LONRF2: variants seen among roughly 807,000 people sequenced by gnomAD.
LONRF2 encodes the protein LON peptidase N-terminal domain and RING finger protein 2.
Under a neutral mutation model 66.6 loss-of-function variants are expected in LONRF2, and 35 were observed. That is an observed-to-expected ratio of 0.53 (90% confidence interval 0.40 to 0.70). The LOEUF (loss-of-function observed/expected upper bound fraction) is 0.70, where lower values mean the gene tolerates loss of function less well. LONRF2 is among the 30% of genes least tolerant of loss of function. The probability of loss-of-function intolerance (pLI) is 0.00; values close to 1 mark genes in which losing one functional copy is unlikely to be tolerated. For missense variants in LONRF2, 902 were observed against 1,002.1 expected (o/e 0.90, Z 1.35); for synonymous variants, 417 against 418.1 (o/e 1.00, Z 0.03).
In LONRF2 at chr2:100,299,931, GA is replaced by G. The variant is rs778764634; in HGVS notation, c.1066-14del. 7.8e-5 allele frequency: 108 copies of G among 1,379,644 alleles called. No individual in the cohort carries two copies. The African/African-American group carries it at 1.2e-3, about 15-fold the overall frequency. The allele number at this position is 1,379,644 out of a possible 1,614,324, so 85.5% of individuals were successfully genotyped here. A position where few individuals can be genotyped will look rare whatever the true frequency, so the allele number is the denominator to read the frequency against. On this transcript the variant is annotated splice_polypyrimidine_tract_variant and intron_variant, in intron 4 of 11. Transcript: ENST00000393437. ...TCTCAGATGAATTCTGGTTAAGTGGGAAAAAAAGGAATCCTGAGTATTAAAG... is the reference window on the plus strand; with the variant it reads ...TCTCAGATGAATTCTGGTTAAGTGGGAAAAAAGGAATCCTGAGTATTAAAG...
intron 1 of LONRF2, among the ~76,000 whole-genome samples, chr2:100,319,022 TG>T (rs1263928367): frequency 9.9e-5 from 15 of 151,192 alleles, no homozygotes; most frequent in African/African-American, 3.6e-4. Context: ...CCCAGCTACT[TG>T]GGAGGCTGAG....
chr2:100,300,632 T>A lies in LONRF2; in HGVS notation c.1065+12A>T. ...AATCAAGAGAATCCTGACAAATGCA[T>A]GCACGTCATACCTCCGAGCTCCCTG... On this transcript the variant is annotated intron_variant, in intron 4 of 11. Transcript: ENST00000393437. 6.3e-7 allele frequency: 1 copy of A among 1,593,402 alleles called. No individual in the cohort carries two copies. Among genetic ancestry groups the A allele is most frequent in the South Asian group, 1.2e-5 (1 of 86,426 alleles).
intron 11 of LONRF2, among the ~76,000 whole-genome samples, chr2:100,285,610 C>CAT (rs1674829692): frequency 6.6e-6 from 1 of 152,064 alleles, no homozygotes; most frequent in Non-Finnish European, 1.5e-5. Flanking sequence ...CCAATGTGTT[C>CAT]ATATAGGGTC....
intron 2 of LONRF2, among the ~76,000 whole-genome samples, chr2:100,308,607 C>T (rs750244258): frequency 1.6e-4 from 25 of 152,162 alleles, no homozygotes; most frequent in Non-Finnish European, 2.8e-4. Flanking sequence ...CCGCAAAGTT[C>T]GTTTTTTGTC....
chr2:100,305,530 T>G (rs1675273991), intron 2 of LONRF2, among the ~76,000 whole-genome samples: 1 of 152,214 alleles, frequency 6.6e-6, no homozygotes, highest in African/African-American at 2.4e-5. Flanking sequence ...TGAAATACCA[T>G]GACTGTGCTG....
chr2:100,303,330 T>G (rs1675225701), intron 2 of LONRF2, among the ~76,000 whole-genome samples: 1 of 152,214 alleles, frequency 6.6e-6, no homozygotes, highest in South Asian at 2.1e-4. Context: ...GAAAACTGGC[T>G]ATCCACTTTA....
At chr2:100,315,740 CT>C (rs1675493698) in intron 1 of LONRF2, among the ~76,000 whole-genome samples, 1 of 152,094 alleles carries the variant, frequency 6.6e-6, no homozygotes, top group Non-Finnish European at 1.5e-5. Context: ...ATTCAGTTTG[CT>C]AATATTTTAT....
At chr2:100,285,056 C>T (rs1351617117) in intron 11 of LONRF2, among the ~76,000 whole-genome samples, 1 of 152,180 alleles carries the variant, frequency 6.6e-6, no homozygotes, top group Non-Finnish European at 1.5e-5. Flanking sequence ...AAACAAAGCA[C>T]TTCTAGACTA....
intron 11 of LONRF2, 66 bp downstream of exon 11, chr2:100,286,848 A>T (rs1674855971): frequency 6.5e-7 from 1 of 1,541,036 alleles, no homozygotes; most frequent in Admixed American, 1.9e-5. Flanking sequence ...GCTCTCCACC[A>T]GAATGATGGC....
In LONRF2 at chr2:100,284,013, T is replaced by G. The variant is rs569907165; in HGVS notation, c.*285A>C. 6.6e-6 allele frequency: 2 copies of G among 304,446 alleles called. No homozygotes were observed. The highest frequency in any genetic ancestry group is 1.3e-4 in the South Asian group (2 of 15,844). The allele number at this position is 304,446 out of a possible 1,614,324, so 18.9% of individuals were successfully genotyped here. ...CATGTAAACCATCTGCAGGGTCCTG[T>G]GCTGTCAGTGAACTGCATTCCCCAA... On this transcript the variant is annotated 3_prime_UTR_variant, in exon 12 of 12. Transcript: ENST00000393437.
rs543611955 is a variant in LONRF2, at chr2:100,299,340, A to C, written c.1268-21T>G. ...GAGATCTGAATGCGAAAAAATTTAAAACGCTGTAATTAACACCTAAGCACC... is the reference window on the plus strand; with the variant it reads ...GAGATCTGAATGCGAAAAAATTTAACACGCTGTAATTAACACCTAAGCACC... On this transcript the variant is annotated intron_variant, in intron 5 of 11. Transcript: ENST00000393437. 1.2e-4 allele frequency: 174 copies of C among 1,470,176 alleles called. 4 individuals carry two copies. The South Asian group carries it at 1.9e-3, about 16-fold the overall frequency. The allele number at this position is 1,470,176 out of a possible 1,614,324, so 91.1% of individuals were successfully genotyped here. A position where few individuals can be genotyped will look rare whatever the true frequency, so the allele number is the denominator to read the frequency against.
At chr2:100,297,448 A>G (rs1675093792) in intron 7 of LONRF2, among the ~76,000 whole-genome samples, 1 of 152,256 alleles carries the variant, frequency 6.6e-6, no homozygotes, top group Non-Finnish European at 1.5e-5. Context: ...AGCAGCTTCT[A>G]TTCTAGTGAC....
Position 100,275,269 on chromosome 2 carries a change from C to G in LONRF2, c.*9029G>C, listed in dbSNP as rs572999005. ...TGAATTCCCTACCTGGACATACCTA[C>G]TTTCTTGGCTGGTGGTCTCAGGGCA... On this transcript the variant is annotated 3_prime_UTR_variant, in exon 12 of 12. Coordinates refer to ENST00000393437, the MANE Select transcript of LONRF2 (RefSeq NM_198461.4). 7.2e-5 allele frequency: 11 copies of G among 152,442 alleles called. No individual in the cohort carries two copies. Among genetic ancestry groups the G allele is most frequent in the African/African-American group, 2.6e-4 (11 of 41,578 alleles). 9.4% of individuals were successfully genotyped at this position (152,442 alleles called of 1,614,324 possible).
chr2:100,306,391 C>T (rs1675291707), intron 2 of LONRF2, among the ~76,000 whole-genome samples: 1 of 152,198 alleles, frequency 6.6e-6, no homozygotes, highest in Non-Finnish European at 1.5e-5. Context: ...GTTTTTCATA[C>T]ATGTGCACAG....
intron 1 of LONRF2, among the ~76,000 whole-genome samples, chr2:100,319,014 C>T (rs1005816692): frequency 6.6e-6 from 1 of 151,706 alleles, no homozygotes; most frequent in Admixed American, 6.6e-5. Context: ...CCTGTAATCC[C>T]AGCTACTTGG....
Position 100,283,159 on chromosome 2 carries a change from G to A in LONRF2, c.*1139C>T, listed in dbSNP as rs891084660. 2.0e-5 allele frequency: 3 copies of A among 152,168 alleles called. No homozygotes were observed. The highest frequency in any genetic ancestry group is 2.1e-4 in the South Asian group (1 of 4,830). 9.4% of individuals were successfully genotyped at this position (152,168 alleles called of 1,614,324 possible). A position where few individuals can be genotyped will look rare whatever the true frequency, so the allele number is the denominator to read the frequency against. On this transcript the variant is annotated 3_prime_UTR_variant, in exon 12 of 12. Coordinates refer to ENST00000393437, the MANE Select transcript of LONRF2 (RefSeq NM_198461.4). ...CACCAACGTGCATTACAGGATGGAA[G>A]TCATACTACTGTCCTTTAACAGATA... is the stretch of plus-strand genomic sequence containing the variant.
chr2:100,298,775 G>A lies in LONRF2; in HGVS notation c.1476+61C>T. The A allele has an allele frequency of 3.2e-6, 4 of 1,247,832 alleles. No individual in the cohort carries two copies. The Admixed American group carries it at 5.1e-5, about 16-fold the overall frequency. 77.3% of individuals were successfully genotyped at this position (1,247,832 alleles called of 1,614,324 possible). ...TGGGGGAAGCAACACGAGACAGGGA[G>A]TAAGCGTCCACCAAGGGATGAGAGG... On this transcript the variant is annotated intron_variant, in intron 7 of 11. Coordinates refer to ENST00000393437, the MANE Select transcript of LONRF2 (RefSeq NM_198461.4).
chr2:100,276,643 G>GAA lies in LONRF2; in HGVS notation c.*7653_*7654dup. The stretch of plus-strand genomic sequence containing the variant: ...CCAATCTTTCCTATCCTTAAACCTG[G>GAA]AAAAAAACAAGTGTGCCTCATGGTG... On this transcript the variant is annotated 3_prime_UTR_variant, in exon 12 of 12. Transcript: ENST00000393437. The GAA allele has an allele frequency of 6.6e-6, 1 of 150,930 alleles. No individual in the cohort carries two copies. 9.3% of individuals were successfully genotyped at this position (150,930 alleles called of 1,614,324 possible).
intron 11 of LONRF2, among the ~76,000 whole-genome samples, chr2:100,286,601 C>T (rs137944953): frequency 6.6e-6 from 1 of 152,144 alleles, no homozygotes; most frequent in Non-Finnish European, 1.5e-5. Flanking sequence ...CATGCCAATA[C>T]AATAAAGTTA....
Sources: gnomAD v4.1 joint callset for allele counts (sites outside exome capture counted in the v4.1 genomes callset) on GRCh38, gnomAD v4.1.1 for gene constraint, MANE v1.5 for transcripts, NCBI Gene and HGNC (gene_info 2026-07-23, HGNC 2026-07-21) for gene names.